Variants in CDH18 observed in about 807,000 individuals in gnomAD.
CDH18 encodes the protein cadherin-18.
CDH18 carries 31 observed loss-of-function variants against 67.9 expected under a neutral mutation model. The ratio of observed to expected loss-of-function variants is 0.46; its 90% confidence interval spans 0.34 to 0.62. CDH18 has a LOEUF of 0.62. CDH18 is among the 20% of genes least tolerant of loss of function. The pLI, the probability that CDH18 is intolerant of heterozygous loss-of-function variation, is 0.01. For synonymous variants in CDH18, 362 were observed against 347.2 expected, an observed-to-expected ratio of 1.04 and a Z score of -0.48; for missense variants, 890 against 975.5, an observed-to-expected ratio of 0.91 and a Z score of 1.17.
At chr5:19,494,198 T>G (rs1170120685) in intron 11 of CDH18, among the ~76,000 whole-genome samples, 1 of 152,222 alleles carries the variant, frequency 6.6e-6, no homozygotes, top group Non-Finnish European at 1.5e-5. Flanking sequence ...GGATAATTTC[T>G]TTAGTTATTC....
At position 20,507,434 on chromosome 5, in the gene CDH18, A is replaced by G. The variant is rs531281091; in HGVS notation, c.-580+68028T>C. ...TATTGATAGAGATTCACTGGAAGTAATCATATATGAAGATAAGGAATTCAT... is the reference window on the plus strand; with the variant it reads ...TATTGATAGAGATTCACTGGAAGTAGTCATATATGAAGATAAGGAATTCAT... On this transcript the variant is annotated intron_variant, in intron 1 of 14. Coordinates refer to the CDH18 transcript ENST00000507958. 6.0e-4 allele frequency among the ~76,000 whole-genome samples: 91 copies of G among 152,342 alleles called. 2 individuals carry two copies. The highest frequency in any genetic ancestry group is 2.2e-3 in the African/African-American group (90 of 41,590).
chr5:19,833,714 A>G lies in CDH18; in HGVS notation c.228+5045T>C, dbSNP rs139923631. On this transcript the variant is annotated intron_variant, in intron 3 of 12. Coordinates refer to ENST00000382275, the MANE Select transcript of CDH18 (RefSeq NM_004934.5). ...TGTTCCATCAATACCTAGTTTATTG[A>G]GAGTTTTTAACATGAACGGATGTTA... is the stretch of plus-strand genomic sequence containing the variant. Among the ~76,000 whole-genome samples the G allele has an allele frequency of 9.0e-3, 1,367 of 152,248 alleles. 21 individuals are homozygous for G. Among genetic ancestry groups the G allele is most frequent in the African/African-American group, 0.031 (1,293 of 41,570 alleles).
At chr5:19,783,048 T>C (rs955062539) in intron 3 of CDH18, among the ~76,000 whole-genome samples, 12 of 152,214 alleles carry the variant, frequency 7.9e-5, no homozygotes, top group African/African-American at 2.4e-4. Flanking sequence ...GTTTCACAGA[T>C]GTAAAATGTA....
At chr5:20,176,522 A>T (rs1277295864) in intron 2 of CDH18, among the ~76,000 whole-genome samples, 2 of 152,186 alleles carry the variant, frequency 1.3e-5, no homozygotes, top group African/African-American at 4.8e-5. Flanking sequence ...TCACGGATCA[A>T]ATCATTCTTT....
intron 2 of CDH18, among the ~76,000 whole-genome samples, chr5:20,060,416 A>T (rs1299881479): frequency 3.9e-5 from 6 of 152,080 alleles, no homozygotes; most frequent in Non-Finnish European, 8.8e-5. Context: ...GTGAGCCAAG[A>T]TTGCGCCACT....
At chr5:19,921,826 G>T (rs1398386025) in intron 2 of CDH18, among the ~76,000 whole-genome samples, 1 of 151,820 alleles carries the variant, frequency 6.6e-6, no homozygotes, top group Non-Finnish European at 1.5e-5. Flanking sequence ...TATGAAGAGA[G>T]AAATTCTCAT....
At chr5:19,975,057 G>A (rs549390372) in intron 2 of CDH18, among the ~76,000 whole-genome samples, 1 of 152,280 alleles carries the variant, frequency 6.6e-6, no homozygotes, top group Admixed American at 6.5e-5. Context: ...ATTACTACAT[G>A]TTGAGGTTCC....
intron 1 of CDH18, among the ~76,000 whole-genome samples, chr5:20,486,305 T>C (rs1464235646): frequency 6.6e-6 from 1 of 152,180 alleles, no homozygotes; most frequent in African/African-American, 2.4e-5. Flanking sequence ...AAAGATCAAC[T>C]CTGGTCTTAC....
chr5:19,506,511 C>T (rs921909010), intron 10 of CDH18, among the ~76,000 whole-genome samples: 15 of 152,168 alleles, frequency 9.9e-5, no homozygotes, highest in African/African-American at 3.4e-4. Context: ...TCAAACTATA[C>T]TACAAGGCTA....
At chr5:20,340,831 G>A (rs1211471059) in intron 1 of CDH18, among the ~76,000 whole-genome samples, 1 of 152,262 alleles carries the variant, frequency 6.6e-6, no homozygotes, top group East Asian at 1.9e-4. Context: ...TTAATCCGAC[G>A]TTTTCCTCAA....
intron 2 of CDH18, among the ~76,000 whole-genome samples, chr5:19,857,183 T>C (rs1784391110): frequency 1.3e-5 from 2 of 152,034 alleles, no homozygotes; most frequent in South Asian, 4.1e-4. Context: ...TGAGCCATGA[T>C]TGTGCCATTG....
At chr5:19,741,137 C>T (rs1036806406) in intron 4 of CDH18, among the ~76,000 whole-genome samples, 5 of 67,756 alleles carry the variant, frequency 7.4e-5, no homozygotes, top group African/African-American at 1.6e-4. Flanking sequence ...TGTAAATATA[C>T]ATGTATATGT....
chr5:20,133,080 T>C, intron 2 of CDH18, among the ~76,000 whole-genome samples: 1 of 152,172 alleles, frequency 6.6e-6, no homozygotes, highest in East Asian at 1.9e-4. Context: ...GAGAACTTCT[T>C]TTAACATTTC....
intron 3 of CDH18, among the ~76,000 whole-genome samples, chr5:19,775,634 T>A (rs1273290563): frequency 6.6e-6 from 1 of 152,136 alleles, no homozygotes; most frequent in Non-Finnish European, 1.5e-5. Flanking sequence ...ATCTGCCCTG[T>A]GATCCAAACA....
chr5:19,989,372 T>C (rs78704098), upstream of CDH18, among the ~76,000 whole-genome samples: 7,724 of 152,186 alleles, frequency 0.051, 258 homozygotes, highest in East Asian at 0.14. Flanking sequence ...CTAAGAGAGG[T>C]AGAGTGATAG....
At chr5:20,567,625 TA>T (rs1174199115) in intron 1 of CDH18, among the ~76,000 whole-genome samples, 1 of 152,112 alleles carries the variant, frequency 6.6e-6, no homozygotes, top group Non-Finnish European at 1.5e-5. Flanking sequence ...ATAGAAAAGA[TA>T]TGAGAATGTG....
intron 2 of CDH18, among the ~76,000 whole-genome samples, chr5:20,024,044 G>T (rs1340660195): frequency 6.6e-6 from 1 of 152,198 alleles, no homozygotes; most frequent in Non-Finnish European, 1.5e-5. Flanking sequence ...GCTAATTGGA[G>T]TGAGTGTTAA....
chr5:19,724,044 C>T (rs1766478272), intron 4 of CDH18, among the ~76,000 whole-genome samples: 1 of 152,058 alleles, frequency 6.6e-6, no homozygotes, highest in Non-Finnish European at 1.5e-5. Context: ...AACTGATGTT[C>T]ACAGAAAAAC....
intron 2 of CDH18, among the ~76,000 whole-genome samples, chr5:19,973,497 C>T (rs6885748): frequency 0.12 from 18,796 of 152,028 alleles, 3,323 homozygotes; most frequent in African/African-American, 0.39. Context: ...TAAGTGAATG[C>T]TCAATATCCT....
Sources: gnomAD v4.1 joint callset for allele counts (sites outside exome capture counted in the v4.1 genomes callset) on GRCh38, gnomAD v4.1.1 for gene constraint, MANE v1.5 for transcripts, NCBI Gene and HGNC (gene_info 2026-07-23, HGNC 2026-07-21) for gene names.